Variants in DCC observed in about 807,000 individuals in gnomAD.
DCC encodes the protein netrin receptor DCC.
Under a neutral mutation model 172.5 loss-of-function variants are expected in DCC, and 58 were observed. The observed-to-expected ratio is 0.34, with a 90% confidence interval of 0.27 to 0.42. The LOEUF (loss-of-function observed/expected upper bound fraction) is 0.42, where lower values mean the gene tolerates loss of function less well. DCC is among the 10% of genes least tolerant of loss of function. The probability of loss-of-function intolerance (pLI) is 1.00; values close to 1 mark genes in which losing one functional copy is unlikely to be tolerated. For synonymous variants in DCC, 709 were observed against 644.5 expected (o/e 1.10, Z -1.52); for missense variants, 1,740 against 1,791.0 (o/e 0.97, Z 0.51).
At chr18:53,156,171 T>G (rs900309280) in intron 7 of DCC, among the ~76,000 whole-genome samples, 1 of 152,060 alleles carries the variant, frequency 6.6e-6, no homozygotes, top group East Asian at 1.9e-4. Flanking sequence ...ATATTTTAAC[T>G]GTGAAATGAA....
chr18:52,480,772 A>G (rs1414310960), intron 1 of DCC, among the ~76,000 whole-genome samples: 2 of 152,122 alleles, frequency 1.3e-5, no homozygotes, highest in African/African-American at 4.8e-5. Context: ...CAATAATTTA[A>G]TCTTATTTGG....
intron 7 of DCC, among the ~76,000 whole-genome samples, chr18:53,090,872 G>T (rs796817396): frequency 6.6e-6 from 1 of 151,922 alleles, no homozygotes; most frequent in Non-Finnish European, 1.5e-5. Flanking sequence ...CCTTAAAGGA[G>T]GAAATGGTGG....
At chr18:53,248,615 TG>T (rs1192702620) in intron 12 of DCC, among the ~76,000 whole-genome samples, 9 of 151,996 alleles carry the variant, frequency 5.9e-5, no homozygotes, top group African/African-American at 1.9e-4. Flanking sequence ...CTGTCATGTG[TG>T]ACATTCCCCT....
intron 1 of DCC, among the ~76,000 whole-genome samples, chr18:52,395,195 A>G (rs3910780): frequency 0.047 from 7,191 of 152,166 alleles, 373 homozygotes; most frequent in African/African-American, 0.13. Flanking sequence ...TCAGGGGAAC[A>G]CAGTGAAAGG....
At chr18:52,905,968 CAA>C in intron 2 of DCC, 74 bp from the exon 3 acceptor site, 1 of 1,011,462 alleles carries the variant, frequency 9.9e-7, no homozygotes, top group South Asian at 1.3e-5. Flanking sequence ...ACAAAGAATA[CAA>C]AGTGATTATT....
intron 1 of DCC, among the ~76,000 whole-genome samples, chr18:52,639,742 A>G (rs777345667): frequency 3.7e-4 from 57 of 152,144 alleles, no homozygotes; most frequent in Non-Finnish European, 7.8e-4. Flanking sequence ...ATGAAAAAAA[A>G]GTTCAGGACC....
At chr18:53,271,215 C>T (rs1392959893) in intron 12 of DCC, among the ~76,000 whole-genome samples, 1 of 152,066 alleles carries the variant, frequency 6.6e-6, no homozygotes, top group Non-Finnish European at 1.5e-5. Context: ...AGGGAGGTTT[C>T]CTAAGTGGTC....
intron 1 of DCC, among the ~76,000 whole-genome samples, chr18:52,348,380 G>T (rs1005487790): frequency 6.6e-6 from 1 of 152,128 alleles, no homozygotes; most frequent in South Asian, 2.1e-4. Context: ...CTTTTCATCC[G>T]GGAGGCAAAG....
intron 1 of DCC, among the ~76,000 whole-genome samples, chr18:52,515,615 A>AAAAAAAAAAAAAAAAAAAAAAAAAC: frequency 7.2e-6 from 1 of 139,266 alleles, no homozygotes; most frequent in Non-Finnish European, 1.6e-5. Context: ...TCAAAAAAAA[A>AAAAAAAAAAAAAAAAAAAAAAAAAC]AAAAAAAAAA....
intron 7 of DCC, among the ~76,000 whole-genome samples, chr18:53,145,262 C>T (rs903550544): frequency 3.3e-5 from 5 of 151,812 alleles, no homozygotes; most frequent in Admixed American, 1.3e-4. Context: ...TACAGTCGCC[C>T]GCCACCACGC....
chr18:53,100,682 A>G (rs923137754), intron 7 of DCC, among the ~76,000 whole-genome samples: 3 of 151,984 alleles, frequency 2.0e-5, no homozygotes, highest in Admixed American at 6.6e-5. Context: ...AGAGAAAGAA[A>G]CACCGAGCTA....
chr18:53,096,535 G>C (rs1462429894), intron 7 of DCC, among the ~76,000 whole-genome samples: 2 of 152,090 alleles, frequency 1.3e-5, no homozygotes, highest in African/African-American at 2.4e-5. Flanking sequence ...GATTTTGTTT[G>C]TGTGATTCCA....
chr18:53,312,171 A>AAAAAAAAAAAAAAAC, intron 13 of DCC, among the ~76,000 whole-genome samples: 1 of 35,710 alleles, frequency 2.8e-5, no homozygotes, highest in Non-Finnish European at 4.9e-5. Flanking sequence ...AAAAAAAAAA[A>AAAAAAAAAAAAAAAC]AAAAAAGAAA....
chr18:52,921,128 A>G lies in DCC; in HGVS notation c.698-2579A>G, dbSNP rs141806780. ...TATATGACATGCATTTGTCAAACCC[A>G]TAGGATTATGAAAAGTAAAGGGTGT... is the stretch of plus-strand genomic sequence containing the variant. On this transcript the variant is annotated intron_variant, in intron 3 of 28. Transcript: ENST00000442544. Among the ~76,000 whole-genome samples, 9 of 104,932 alleles carry G rather than the reference A, an allele frequency of 8.6e-5. No individual in the cohort carries two copies. The South Asian group carries it at 1.2e-3, about 15-fold the overall frequency. 68.8% of individuals were successfully genotyped at this position (104,932 alleles called of 152,430 possible). A position where few individuals can be genotyped will look rare whatever the true frequency, so the allele number is the denominator to read the frequency against.
intron 9 of DCC, among the ~76,000 whole-genome samples, chr18:53,193,475 A>G (rs1294003216): frequency 6.9e-6 from 1 of 143,960 alleles, no homozygotes; most frequent in African/African-American, 2.9e-5. Flanking sequence ...TTATCTGGTA[A>G]GCACTGCCCA....
At chr18:52,519,880 T>C (rs62081332) in intron 1 of DCC, among the ~76,000 whole-genome samples, 8,853 of 152,188 alleles carry the variant, frequency 0.058, 331 homozygotes, top group Middle Eastern at 0.11. Flanking sequence ...AGCAAAGAAA[T>C]AGTGGGCAAT....
chr18:52,920,339 A>C (rs939248513), intron 3 of DCC, among the ~76,000 whole-genome samples: 19 of 152,124 alleles, frequency 1.2e-4, no homozygotes, highest in African/African-American at 4.3e-4. Context: ...TCCGAAACAC[A>C]CAACAAATTA....
At chr18:53,491,600 T>C (rs974823664) in intron 26 of DCC, among the ~76,000 whole-genome samples, 5 of 152,266 alleles carry the variant, frequency 3.3e-5, no homozygotes, top group African/African-American at 1.2e-4. Flanking sequence ...TTTGGTTTTC[T>C]GTTCTTGTGT....
chr18:53,300,999 C>CTTTCTTTCTTTCTTTCTTTCTTTTCTT (rs2057133196), intron 12 of DCC, among the ~76,000 whole-genome samples: 1 of 12,650 alleles, frequency 7.9e-5, no homozygotes, highest in African/African-American at 1.5e-4. Context: ...CTTTTTTTTT[C>CTTTCTTTCTTTCTTTCTTTCTTTTCTT]TTTTCTTTCT....
Sources: allele counts gnomAD v4.1 joint callset (sites outside exome capture counted in the v4.1 genomes callset), GRCh38; gene constraint gnomAD v4.1.1; transcripts MANE v1.5; gene names NCBI Gene and HGNC (gene_info 2026-07-23, HGNC 2026-07-21).